The following TBL2 variants were observed in gnomAD, a reference collection of about 807,000 sequenced individuals.
TBL2 encodes the protein transducin beta like 2.
A neutral mutation model predicts 41.8 loss-of-function variants in TBL2; 33 were observed. The observed-to-expected ratio is 0.79, with a 90% confidence interval of 0.60 to 1.06. TBL2 has a LOEUF of 1.06. Ranked by LOEUF, TBL2 falls within the 50% of genes least tolerant of loss-of-function variation. The pLI, the probability that TBL2 is intolerant of heterozygous loss-of-function variation, is 0.00. For missense variants in TBL2, 522 were observed against 603.8 expected, an observed-to-expected ratio of 0.86 and a Z score of 1.42; for synonymous variants, 239 against 241.7, an observed-to-expected ratio of 0.99 and a Z score of 0.10.
At position 73,571,277 on chromosome 7, in the gene TBL2, C is replaced by T. The variant is rs138587904; in HGVS notation, c.790G>A (p.Gly264Arg). Reference sequence around the variant, plus strand: ...GCTCGCACCACCTCCTGGAACTCCCCCTTCTTTCCAAAGCAGACTTCCCAA... The same window carrying T: ...GCTCGCACCACCTCCTGGAACTCCCTCTTCTTTCCAAAGCAGACTTCCCAA... ...KVWEVCFGKK[G>R]EFQEVVRAFE... Residue 264 changes from glycine to arginine, a missense_variant, in exon 6 of 7, where the codon GGG becomes AGG. Gly to Arg is a moderately radical substitution (Grantham distance 125, BLOSUM62 -2). Transcript: ENST00000305632. 5 of 1,614,232 alleles carry T rather than the reference C, an allele frequency of 3.1e-6. No individual in the cohort carries two copies. Among genetic ancestry groups the T allele is most frequent in the Non-Finnish European group, 4.2e-6 (5 of 1,180,050 alleles).
intron 5 of TBL2, 109 bp downstream of exon 5, chr7:73,572,735 C>T: frequency 6.6e-7 from 1 of 1,516,468 alleles, no homozygotes; most frequent in South Asian, 1.2e-5. Context: ...GGGTTCCTGA[C>T]CCCACCCCGT....
At chr7:73,577,298 G>T (rs539844277) in intron 1 of TBL2, among the ~76,000 whole-genome samples, 1 of 146,866 alleles carries the variant, frequency 6.8e-6, no homozygotes, top group Non-Finnish European at 1.5e-5. Flanking sequence ...AGGGCTGGCC[G>T]GGCACAGTGG....
chr7:73,572,120 TATCTTCTAGCCTTGTTCTAAGATATG>T (rs1178957123), intron 5 of TBL2: 2 of 157,040 alleles, frequency 1.3e-5, no homozygotes, highest in Non-Finnish European at 2.8e-5. Flanking sequence ...GACCTCAGTT[TATCTTCTAGCCTTGTTCTAAGATATG>T]TAACATCCCC....
chr7:73,573,379 G>A lies in TBL2; in HGVS notation c.539C>T (p.Pro180Leu), dbSNP rs1554588180. ...CTTGTGCTTTTTAGGGAAGTCCTCT[G>A]GGGTGGCTGTGAAGGTGTAGCCCCC... ...EDGGYTFTAT[P>L]EDFPKKHKAP... is the part of the protein sequence containing the mutation. Residue 180 changes from proline to leucine, a missense_variant, in exon 4 of 7, where the codon CCA becomes CTA. Physicochemically the swap from Pro to Leu is moderately conservative, Grantham distance 98 (BLOSUM62 -3). Transcript: ENST00000305632. 6.2e-7 allele frequency: 1 copy of A among 1,614,172 alleles called. No individual in the cohort carries two copies. Among genetic ancestry groups the A allele is most frequent in the South Asian group, 1.1e-5 (1 of 91,080 alleles).
At chr7:73,576,206 A>AT (rs34259591) in intron 1 of TBL2, among the ~76,000 whole-genome samples, 3 of 146,238 alleles carry the variant, frequency 2.1e-5, no homozygotes, top group Admixed American at 6.8e-5. Flanking sequence ...CTGCTGGATC[A>AT]TTTTTTTTTT....
chr7:73,573,471 T>C lies in TBL2; in HGVS notation c.447A>G (p.Arg149=), dbSNP rs782266230. ...CGTTGGCCAGCCAGACGATGAAGGC[T>C]CTAGAGACAGGCAGCAGACAAGTCA... ...ATLVRFSPDC[R]AFIVWLANGD... is the part of the protein sequence containing the mutation. Residue 149 remains arginine (R), a splice_region_variant and synonymous_variant, in exon 4 of 7, where the codon AGA becomes AGG. Coordinates refer to ENST00000305632, the MANE Select transcript of TBL2 (RefSeq NM_012453.4). The C allele has an allele frequency of 3.5e-5, 57 of 1,613,650 alleles. No homozygotes were observed. The highest frequency in any genetic ancestry group is 4.4e-5 in the Non-Finnish European group (52 of 1,179,948).
chr7:73,574,363 G>A lies in TBL2; in HGVS notation c.261+20C>T. ...GGGGCTGAGTCTCAGGGTGCACGCT[G>A]TGCCAGGTACCCCACGTACCTTCAG... is the stretch of plus-strand genomic sequence containing the variant. On this transcript the variant is annotated intron_variant, in intron 2 of 6. Transcript: ENST00000305632. The A allele has an allele frequency of 1.9e-6, 3 of 1,612,620 alleles. No individual in the cohort carries two copies. Among genetic ancestry groups the A allele is most frequent in the Non-Finnish European group, 1.7e-6 (2 of 1,179,970 alleles).
intron 1 of TBL2, chr7:73,578,139 A>C (rs1554589356): frequency 1.0e-6 from 1 of 996,722 alleles, no homozygotes. Flanking sequence ...TGAAGAGTTT[A>C]CGGTGCTCTC....
At position 73,574,021 on chromosome 7, in the gene TBL2, G is replaced by A; in HGVS notation, c.363C>T (p.Asp121=). The A allele has an allele frequency of 6.2e-7, 1 of 1,614,232 alleles. No homozygotes were observed. Among genetic ancestry groups the A allele is most frequent in the Non-Finnish European group, 8.5e-7 (1 of 1,180,044 alleles). The part of the protein sequence containing the change: ...DRTIRIWSTK[D]FLQREHRSMR... ...TGCTGCGGTGCTCTCGCTGCAGGAAGTCCTTGGTGCTCCAGATGCGGATGG... is the reference window on the plus strand; with the variant it reads ...TGCTGCGGTGCTCTCGCTGCAGGAAATCCTTGGTGCTCCAGATGCGGATGG... Residue 121 remains aspartate, a synonymous_variant, in exon 3 of 7, where the codon GAC becomes GAT. Transcript: ENST00000305632.
chr7:73,574,919 A>G lies in TBL2; in HGVS notation c.131-406T>C, dbSNP rs535745560. The G allele has an allele frequency of 3.8e-4, 130 of 346,524 alleles. 1 individual carries two copies. The highest frequency in any genetic ancestry group is 1.5e-4 in the Non-Finnish European group (26 of 175,850). 21.5% of individuals were successfully genotyped at this position (346,524 alleles called of 1,614,324 possible). A position where few individuals can be genotyped will look rare whatever the true frequency, so the allele number is the denominator to read the frequency against. On this transcript the variant is annotated intron_variant, in intron 1 of 6. Coordinates refer to ENST00000305632, the MANE Select transcript of TBL2 (RefSeq NM_012453.4). ...GACTACTGAGGAGGCTGTTTACAGT[A>G]AGTCCACAGAGCACCTTCATGTAGA...
chr7:73,571,188 C>T lies in TBL2; in HGVS notation c.878+1G>A. 1 of 1,614,214 alleles carries T rather than the reference C, an allele frequency of 6.2e-7. No homozygotes were observed. On this transcript the variant is annotated splice_donor_variant, in intron 6 of 6. Transcript: ENST00000305632. LOFTEE classifies it high-confidence loss of function. The stretch of plus-strand genomic sequence containing the variant: ...TCAGACATCAGAGCGGATTCACTCA[C>T]CTCCGTGAGTCGTTGGAGAAAGCAA...
Position 73,570,732 on chromosome 7 carries a change from G to T in TBL2, c.1119C>A (p.Gly373=). The part of the protein sequence containing the change: ...EKEECFERVH[G]ECIANLSFDI... Reference sequence around the variant, plus strand: ...CAAAGGACAAGTTGGCGATACACTCGCCATGGACCCGCTCAAAGCACTCCT... The same window carrying T: ...CAAAGGACAAGTTGGCGATACACTCTCCATGGACCCGCTCAAAGCACTCCT... The change falls in exon 7 of 7, where the codon GGC becomes GGA. Residue 373 remains glycine, a synonymous_variant. Transcript: ENST00000305632. 1 of 1,614,174 alleles carries T rather than the reference G, an allele frequency of 6.2e-7. No individual in the cohort carries two copies. Among genetic ancestry groups the T allele is most frequent in the Non-Finnish European group, 8.5e-7 (1 of 1,180,032 alleles).
In TBL2 at chr7:73,572,995, G is replaced by A. The variant is rs559627697; in HGVS notation, c.599-25C>T. ...CCTGAGCGGGAAGGGAGTGATGTGG[G>A]TCACGGGCAGTGACCTGACCAACTG... On this transcript the variant is annotated intron_variant, in intron 4 of 6. Transcript: ENST00000305632. The A allele has an allele frequency of 1.9e-6, 3 of 1,613,716 alleles. No individual in the cohort carries two copies. The African/African-American group carries it at 4.0e-5, about 22-fold the overall frequency.
intron 3 of TBL2, 148 bp downstream of exon 3, chr7:73,573,790 A>G: frequency 2.4e-6 from 2 of 850,758 alleles, no homozygotes; most frequent in South Asian, 3.5e-5. Context: ...AGCCCCAGGC[A>G]GCGCGCAAAC....
intron 5 of TBL2, among the ~76,000 whole-genome samples, chr7:73,572,308 G>A (rs1184891396): frequency 6.6e-6 from 1 of 152,116 alleles, no homozygotes; most frequent in Non-Finnish European, 1.5e-5. Context: ...AATTAGCCAG[G>A]TGTGGTAGTG....
intron 1 of TBL2, chr7:73,574,859 A>G: frequency 7.7e-6 from 3 of 387,362 alleles, no homozygotes; most frequent in East Asian, 6.9e-5. Flanking sequence ...CTTTGGAATC[A>G]GACCTGGGTT....
In TBL2 at chr7:73,570,390, G is replaced by C; in HGVS notation, c.*117C>G. ...TCAATGGGAAGAAGCAGGGCCACCA[G>C]TAAGAAAACCAGGAGACTCCTTCTG... On this transcript the variant is annotated 3_prime_UTR_variant, in exon 7 of 7. Coordinates refer to ENST00000305632, the MANE Select transcript of TBL2 (RefSeq NM_012453.4). The C allele has an allele frequency of 7.1e-7, 1 of 1,415,648 alleles. No individual in the cohort carries two copies. Among genetic ancestry groups the C allele is most frequent in the South Asian group, 1.6e-5 (1 of 63,680 alleles). 87.7% of individuals were successfully genotyped at this position (1,415,648 alleles called of 1,614,324 possible).
intron 3 of TBL2, 151 bp from the exon 4 acceptor site, chr7:73,573,622 A>G: frequency 1.9e-6 from 2 of 1,058,912 alleles, no homozygotes; most frequent in South Asian, 1.7e-5. Context: ...AAATCTCATA[A>G]AACTCCTCAA....
In TBL2 at chr7:73,573,476, A is replaced by C. The variant is rs1329338633; in HGVS notation, c.447-5T>G. 3.1e-6 allele frequency: 5 copies of C among 1,613,714 alleles called. No individual in the cohort carries two copies. The Admixed American group carries it at 8.3e-5, about 27-fold the overall frequency. On this transcript the variant is annotated splice_polypyrimidine_tract_variant and splice_region_variant and intron_variant, in intron 3 of 6. Coordinates refer to ENST00000305632, the MANE Select transcript of TBL2 (RefSeq NM_012453.4). ...GCCAGCCAGACGATGAAGGCTCTAG[A>C]GACAGGCAGCAGACAAGTCACGCTC...
Sources: gnomAD v4.1 joint callset for allele counts (sites outside exome capture counted in the v4.1 genomes callset) on GRCh38, gnomAD v4.1.1 for gene constraint, MANE v1.5 for transcripts, NCBI Gene and HGNC (gene_info 2026-07-23, HGNC 2026-07-21) for gene names.